RMND5A: variants seen among roughly 807,000 people sequenced by gnomAD.
The protein encoded by RMND5A is required for meiotic nuclear division 5 homolog A.
Under a neutral mutation model 49.7 loss-of-function variants are expected in RMND5A, and 17 were observed. That is an observed-to-expected ratio of 0.34 (90% CI 0.23 to 0.51). RMND5A has a LOEUF of 0.51. Ranked by LOEUF, RMND5A falls within the 20% of genes least tolerant of loss-of-function variation. RMND5A has a pLI of 0.96. For synonymous variants in RMND5A, 156 were observed against 167.7 expected, an observed-to-expected ratio of 0.93 and a Z score of 0.54; for missense variants, 255 against 471.3, an observed-to-expected ratio of 0.54 and a Z score of 4.25.
At position 86,770,093 on chromosome 2, in the gene RMND5A, A is replaced by G. The variant is rs767897485; in HGVS notation, c.925A>G (p.Thr309Ala). 2 of 1,613,978 alleles carry G rather than the reference A, an allele frequency of 1.2e-6. No homozygotes were observed. The highest frequency in any genetic ancestry group is 1.7e-4 in the Middle Eastern group (1 of 6,046). The part of the protein sequence containing the change: ...IKAVIEQRQC[T>A]GVWNQKDELP... ...AGCCGTGATTGAACAGAGGCAGTGT[A>G]CTGGAGTTTGGAACCAGAAAGATGA... Residue 309 changes from threonine (T) to alanine (A), a missense_variant, in exon 7 of 9, where the codon ACT becomes GCT. By Grantham distance (58) the Thr-to-Ala change is moderately conservative. Around this residue, in one of 3 missense-constraint regions of RMND5A, gnomAD observed 208 missense variants for 339.8 expected, o/e 0.61. Transcript: ENST00000283632.
In RMND5A at chr2:86,751,988, C is replaced by G; in HGVS notation, c.378C>G (p.Phe126Leu). ...RLLNEVMVEH[F>L]FRQGMLDVAE... Reference sequence around the variant, plus strand: ...TCAATGAGGTGATGGTGGAGCACTTCTTTCGACAAGGAATGCTGGATGTGG... The same window carrying G: ...TCAATGAGGTGATGGTGGAGCACTTGTTTCGACAAGGAATGCTGGATGTGG... The change falls in exon 3 of 9, where the codon TTC (phenylalanine) becomes TTG (leucine). Residue 126 changes from phenylalanine (F) to leucine (L), a missense_variant. This residue lies in a region of RMND5A where 208 missense variants were observed against 339.8 expected (regional missense o/e 0.61). Transcript: ENST00000283632. The G allele has an allele frequency of 6.2e-7, 1 of 1,613,982 alleles. No homozygotes were observed. The highest frequency in any genetic ancestry group is 8.5e-7 in the Non-Finnish European group (1 of 1,179,960).
intron 7 of RMND5A, chr2:86,771,335 C>G: frequency 6.9e-6 from 3 of 437,208 alleles, no homozygotes; most frequent in East Asian, 6.5e-5. Context: ...GTTTGTCAGA[C>G]TTGTTTTTAC....
intron 8 of RMND5A, among the ~76,000 whole-genome samples, 198 bp from the exon 9 acceptor site, chr2:86,773,150 G>A (rs752410359): frequency 3.9e-5 from 6 of 152,220 alleles, no homozygotes; most frequent in Non-Finnish European, 8.8e-5. Flanking sequence ...TGGGTGGTAT[G>A]TATTTGTGAC....
At position 86,728,203 on chromosome 2, in the gene RMND5A, C is replaced by G. The variant is rs911117497; in HGVS notation, c.142+7394C>G. On this transcript the variant is annotated intron_variant, in intron 1 of 8. Transcript: ENST00000283632. ...CCCTGGTCCTCCAGGAACTTGGAGGCTAATTGAGAAGATGAATCTGTATTT... is the reference window on the plus strand; with the variant it reads ...CCCTGGTCCTCCAGGAACTTGGAGGGTAATTGAGAAGATGAATCTGTATTT... 1.5e-4 allele frequency among the ~76,000 whole-genome samples: 13 copies of G among 85,452 alleles called. 3 individuals carry two copies. The highest frequency in any genetic ancestry group is 3.9e-4 in the Admixed American group (3 of 7,664). The allele number at this position is 85,452 out of a possible 152,430, so 56.1% of individuals were successfully genotyped here.
intron 4 of RMND5A, among the ~76,000 whole-genome samples, chr2:86,762,043 G>A (rs1452049989): frequency 1.3e-5 from 2 of 152,096 alleles, no homozygotes; most frequent in Non-Finnish European, 2.9e-5. Flanking sequence ...TTTAAAAAAA[G>A]GAAGTTAAGA....
chr2:86,766,661 CAAAAA>C (rs59511898), intron 6 of RMND5A, among the ~76,000 whole-genome samples: 1 of 77,014 alleles, frequency 1.3e-5, no homozygotes, highest in East Asian at 4.4e-4. Context: ...GAGACTGTCT[CAAAAA>C]AAAAAAAAAA....
intron 2 of RMND5A, among the ~76,000 whole-genome samples, chr2:86,742,840 CAGTG>C (rs1477854562): frequency 6.6e-6 from 1 of 150,732 alleles, no homozygotes; most frequent in African/African-American, 2.4e-5. Context: ...GGTGGTATGA[CAGTG>C]AGAAGAGCTA....
intron 2 of RMND5A, among the ~76,000 whole-genome samples, chr2:86,750,771 G>GTT (rs35353170): frequency 3.5e-5 from 5 of 141,208 alleles, no homozygotes; most frequent in Non-Finnish European, 1.5e-5. Context: ...CTGAGGCTCT[G>GTT]TTTTTTTTTT....
At chr2:86,765,784 G>A in intron 5 of RMND5A, 75 bp from the exon 6 acceptor site, 3 of 1,292,812 alleles carry the variant, frequency 2.3e-6, no homozygotes, top group South Asian at 1.4e-5. Flanking sequence ...GTATCAGTAT[G>A]GGTGGGGGTA....
chr2:86,757,655 C>G (rs1418434667), intron 4 of RMND5A, among the ~76,000 whole-genome samples: 2 of 152,204 alleles, frequency 1.3e-5, no homozygotes, highest in East Asian at 1.9e-4. Flanking sequence ...AAAGCACTAT[C>G]TTTAGGGGAA....
intron 7 of RMND5A, 168 bp from the exon 8 acceptor site, chr2:86,771,390 A>G (rs1422507708): frequency 2.0e-6 from 1 of 510,814 alleles, no homozygotes; most frequent in African/African-American, 1.9e-5. Context: ...CTAATTTAAC[A>G]CTTTGAATCA....
Position 86,775,046 on chromosome 2 carries a change from C to G in RMND5A, c.*1635C>G, listed in dbSNP as rs569127954. On this transcript the variant is annotated 3_prime_UTR_variant, in exon 9 of 9. Coordinates refer to ENST00000283632, the MANE Select transcript of RMND5A (RefSeq NM_022780.4). The stretch of plus-strand genomic sequence containing the variant: ...ACTCCGTGCTGTGCGGCTTCACCAG[C>G]GGTTGGGATTGGCCCAGCTTGGAGT... The G allele has an allele frequency of 6.5e-6, 1 of 152,680 alleles. No individual in the cohort carries two copies. Among genetic ancestry groups the G allele is most frequent in the South Asian group, 2.1e-4 (1 of 4,836 alleles). The allele number at this position is 152,680 out of a possible 1,614,324, so 9.5% of individuals were successfully genotyped here.
At chr2:86,729,545 A>G (rs576247486) in intron 1 of RMND5A, among the ~76,000 whole-genome samples, 1 of 131,668 alleles carries the variant, frequency 7.6e-6, no homozygotes, top group Non-Finnish European at 1.6e-5. Flanking sequence ...ACGGTTATGT[A>G]TCTAGGCTAG....
rs1417728106 is a variant in RMND5A, at chr2:86,726,686, C to T, written c.142+5877C>T. Among the ~76,000 whole-genome samples the T allele has an allele frequency of 2.6e-5, 2 of 77,340 alleles. 1 individual carries two copies. The highest frequency in any genetic ancestry group is 7.1e-4 in the South Asian group (2 of 2,802). 50.7% of individuals were successfully genotyped at this position (77,340 alleles called of 152,430 possible). A position where few individuals can be genotyped will look rare whatever the true frequency, so the allele number is the denominator to read the frequency against. On this transcript the variant is annotated intron_variant, in intron 1 of 8. Transcript: ENST00000283632. ...CTTTGTTAGCCATTCTTTTTCCAGA[C>T]GTACTCTGGAGATAATTAATTCTTT...
Position 86,726,232 on chromosome 2 carries a change from A to G in RMND5A, c.142+5423A>G, listed in dbSNP as rs1050986757. ...TGTGTTGAAAAGTATGCTTATTTGT[A>G]TATATGAATGATCTGTGCTTTTTCA... On this transcript the variant is annotated intron_variant, in intron 1 of 8. Coordinates refer to ENST00000283632, the MANE Select transcript of RMND5A (RefSeq NM_022780.4). Among the ~76,000 whole-genome samples the G allele has an allele frequency of 5.9e-5, 4 of 67,424 alleles. 2 individuals are homozygous for G. The highest frequency in any genetic ancestry group is 2.7e-4 in the African/African-American group (4 of 14,858). The allele number at this position is 67,424 out of a possible 152,430, so 44.2% of individuals were successfully genotyped here. A position where few individuals can be genotyped will look rare whatever the true frequency, so the allele number is the denominator to read the frequency against.
chr2:86,752,032 T>TAACA lies in RMND5A; in HGVS notation c.420+3_420+6dup. On this transcript the variant is annotated splice_region_variant and intron_variant, in intron 3 of 8. Transcript: ENST00000283632. ...GATGTGGCTGAGGAGCTCTGTCAGG[T>TAACA]AACAGTGTGCCAACTGGGAGGATAT... is the stretch of plus-strand genomic sequence containing the variant. 6.2e-7 allele frequency: 1 copy of TAACA among 1,613,324 alleles called. No individual in the cohort carries two copies.
chr2:86,752,882 C>T (rs114377198), intron 3 of RMND5A, among the ~76,000 whole-genome samples: 2,321 of 152,324 alleles, frequency 0.015, 73 homozygotes, highest in African/African-American at 0.053. Context: ...CTCGGTTTTT[C>T]TCTGTACCTT....
chr2:86,754,296 A>G (rs995684482), intron 4 of RMND5A, among the ~76,000 whole-genome samples: 1 of 152,226 alleles, frequency 6.6e-6, no homozygotes, highest in African/African-American at 2.4e-5. Context: ...TGCTGGCCCC[A>G]GTCCTAAAAT....
At chr2:86,758,613 T>TGTGTG (rs916051835) in intron 4 of RMND5A, among the ~76,000 whole-genome samples, 1 of 152,302 alleles carries the variant, frequency 6.6e-6, no homozygotes, top group African/African-American at 2.4e-5. Context: ...AGGGTGTGTG[T>TGTGTG]GTGTGTCTTA....
Sources: gnomAD v4.1 joint callset for allele counts (sites outside exome capture counted in the v4.1 genomes callset) on GRCh38, gnomAD v4.1.1 for gene constraint, gnomAD v4.1.1 regional missense constraint, MANE v1.5 for transcripts, NCBI Gene and HGNC (gene_info 2026-07-23, HGNC 2026-07-21) for gene names.